SERINC5: variants seen among roughly 807,000 people sequenced by gnomAD.
SERINC5 encodes the protein chromosome 5 open reading frame 12.
A neutral mutation model predicts 63.1 loss-of-function variants in SERINC5; 41 were observed. That is an observed-to-expected ratio of 0.65 (90% CI 0.51 to 0.84). The LOEUF (loss-of-function observed/expected upper bound fraction) is 0.84. Ranked by LOEUF, SERINC5 falls within the 40% of genes least tolerant of loss-of-function variation. SERINC5 has a pLI of 0.00. For missense variants in SERINC5, 523 were observed against 573.0 expected (o/e 0.91, Z 0.89); for synonymous variants, 222 against 215.2 (o/e 1.03, Z -0.28).
intron 7 of SERINC5, among the ~76,000 whole-genome samples, chr5:80,161,957 T>C (rs766810865): frequency 2.0e-5 from 3 of 152,242 alleles, no homozygotes; most frequent in Non-Finnish European, 2.9e-5. Context: ...GGACCACTTA[T>C]TGAAAAGGGT....
intron 1 of SERINC5, among the ~76,000 whole-genome samples, chr5:80,225,788 G>A (rs1456251445): frequency 6.6e-6 from 1 of 152,094 alleles, no homozygotes. Context: ...ACGGAACAAA[G>A]CCCCACAGCC....
In SERINC5 at chr5:80,142,693, G is replaced by A. The variant is rs993599381; in HGVS notation, c.*970C>T. 2.0e-6 allele frequency: 2 copies of A among 985,250 alleles called. No individual in the cohort carries two copies. Among genetic ancestry groups the A allele is most frequent in the African/African-American group, 1.7e-5 (1 of 57,212 alleles). 61.0% of individuals were successfully genotyped at this position (985,250 alleles called of 1,614,324 possible). On this transcript the variant is annotated 3_prime_UTR_variant, in exon 12 of 12. Transcript: ENST00000507668. ...CTTTTACAGTTTCAAAGGCCTCAAG[G>A]TGGAGAAAAAACTGAGGGGCTGACC...
intron 2 of SERINC5, among the ~76,000 whole-genome samples, chr5:80,196,995 T>C (rs966108129): frequency 5.1e-5 from 3 of 59,166 alleles, no homozygotes; most frequent in African/African-American, 9.5e-5. Context: ...CAACAGAATA[T>C]TATCTAGCCA....
At chr5:80,136,633 A>G (rs902845872), downstream of SERINC5, among the ~76,000 whole-genome samples, 1 of 152,234 alleles carries the variant, frequency 6.6e-6, no homozygotes, top group East Asian at 1.9e-4. Context: ...AAGCTTCTGC[A>G]CAGCAAAGGA....
At chr5:80,188,478 A>G (rs1459631324) in intron 2 of SERINC5, among the ~76,000 whole-genome samples, 1 of 152,184 alleles carries the variant, frequency 6.6e-6, no homozygotes, top group East Asian at 1.9e-4. Context: ...CACTGTCCCC[A>G]GGTGTGAGTG....
chr5:80,193,811 G>A (rs1228968724), intron 2 of SERINC5, among the ~76,000 whole-genome samples: 1 of 152,208 alleles, frequency 6.6e-6, no homozygotes, highest in African/African-American at 2.4e-5. Context: ...GCATAGGAGG[G>A]TACAGGGACT....
Position 80,143,689 on chromosome 5 carries a change from A to G in SERINC5, c.1360T>C (p.Cys454Arg), listed in dbSNP as rs779897024. ...CACACAGAGAACTCCCGGGTGGGGC[A>G]GCAGAGGGGAGCGACCAGCGTACAC... Reference protein sequence around the residue: ...YLCTLVAPLCCPTREFSV With the variant: ...YLCTLVAPLCRPTREFSV The change falls in exon 12 of 12, where the codon TGC (cysteine) becomes CGC (arginine). Residue 454 changes from cysteine (C) to arginine (R), a missense_variant. Physicochemically the swap from Cys to Arg is radical, Grantham distance 180. Coordinates refer to ENST00000507668, the MANE Select transcript of SERINC5 (RefSeq NM_001174072.3). 28 of 1,536,128 alleles carry G rather than the reference A, an allele frequency of 1.8e-5. No homozygotes were observed. In the South Asian group the frequency reaches 3.0e-4, roughly 16 times the overall value.
At chr5:80,176,833 T>C (rs2112413207) in intron 4 of SERINC5, among the ~76,000 whole-genome samples, 1 of 152,308 alleles carries the variant, frequency 6.6e-6, no homozygotes, top group South Asian at 2.1e-4. Context: ...TCAGCTCATA[T>C]GAAAAAGGGC....
intron 2 of SERINC5, among the ~76,000 whole-genome samples, chr5:80,181,416 T>TTGTGTGTGTGTG (rs70982028): frequency 1.0e-3 from 148 of 145,442 alleles, no homozygotes; most frequent in African/African-American, 3.4e-3. Flanking sequence ...TCAGCTAATT[T>TTGTGTGTGTGTG]TGTGTGTGTG....
rs538188402 is a variant in SERINC5 at position 80,143,035 on chromosome 5, G to C, written c.*628C>G. The C allele has an allele frequency of 1.8e-5, 18 of 985,348 alleles. No individual in the cohort carries two copies. The African/African-American group carries it at 2.6e-4, about 14-fold the overall frequency. The allele number at this position is 985,348 out of a possible 1,614,324, so 61.0% of individuals were successfully genotyped here. A position where few individuals can be genotyped will look rare whatever the true frequency, so the allele number is the denominator to read the frequency against. ...CCAGAAAAGATGAGACCTCGGGGAA[G>C]GGTGCAGGCAGAGAGTGAAGTCTGT... On this transcript the variant is annotated 3_prime_UTR_variant, in exon 12 of 12. Transcript: ENST00000507668.
rs373920343 is a variant in SERINC5, at chr5:80,233,805, C to CTTTTTTT, written c.27+22084_27+22090dup. Among the ~76,000 whole-genome samples the CTTTTTTT allele has an allele frequency of 3.6e-3, 250 of 69,948 alleles. 1 individual carries two copies. The highest frequency in any genetic ancestry group is 4.7e-3 in the Non-Finnish European group (186 of 39,400). The allele number at this position is 69,948 out of a possible 152,430, so 45.9% of individuals were successfully genotyped here. A position where few individuals can be genotyped will look rare whatever the true frequency, so the allele number is the denominator to read the frequency against. On this transcript the variant is annotated intron_variant, in intron 1 of 11. Coordinates refer to ENST00000507668, the MANE Select transcript of SERINC5 (RefSeq NM_001174072.3). Reference sequence around the variant, plus strand: ...TATTTTATAGATCTTTCAACTTTTACTTTTTTTTTTTTTTTTTTTTTTTTG... The same window carrying CTTTTTTT: ...TATTTTATAGATCTTTCAACTTTTACTTTTTTTTTTTTTTTTTTTTTTTTTTTTTTTG...
rs1410166028 is a variant in SERINC5 at position 80,143,708 on chromosome 5, C to T, written c.1341G>A (p.Thr447=). ...CWICVLLYLC[T]LVAPLCCPTR... ...TGGGGCAGCAGAGGGGAGCGACCAG[C>T]GTACACAGGTACAACAGCACGCATA... The change falls in exon 12 of 12, where the codon ACG becomes ACA. Residue 447 remains threonine (T), a synonymous_variant. Transcript: ENST00000507668. 1.8e-5 allele frequency: 27 copies of T among 1,535,980 alleles called. No homozygotes were observed. Among genetic ancestry groups the T allele is most frequent in the Non-Finnish European group, 2.2e-5 (25 of 1,146,874 alleles).
intron 1 of SERINC5, among the ~76,000 whole-genome samples, chr5:80,254,488 G>A (rs560314891): frequency 7.2e-5 from 11 of 152,318 alleles, no homozygotes; most frequent in African/African-American, 2.6e-4. Context: ...GGGAATGGCA[G>A]AAAGAGCCTC....
intron 7 of SERINC5, among the ~76,000 whole-genome samples, chr5:80,162,817 G>A (rs983167499): frequency 4.0e-5 from 6 of 151,622 alleles, no homozygotes; most frequent in African/African-American, 1.5e-4. Context: ...TCTGCTAGAT[G>A]ATTACTGGTG....
chr5:80,183,970 A>G (rs1027533233), intron 2 of SERINC5, among the ~76,000 whole-genome samples: 6 of 152,188 alleles, frequency 3.9e-5, no homozygotes, highest in Non-Finnish European at 5.9e-5. Flanking sequence ...CTCAATTTTT[A>G]GCTGTGTTTA....
At chr5:80,153,262 A>G (rs1027942202) in intron 8 of SERINC5, among the ~76,000 whole-genome samples, 1 of 152,024 alleles carries the variant, frequency 6.6e-6, no homozygotes, top group African/African-American at 2.4e-5. Context: ...ATTCGAGACC[A>G]GCCTAGCCAA....
At chr5:80,200,322 CA>C (rs11397908) in intron 2 of SERINC5, among the ~76,000 whole-genome samples, 3,509 of 136,332 alleles carry the variant, frequency 0.026, 140 homozygotes, top group African/African-American at 0.087. Context: ...CTAAAAAATA[CA>C]AAAAAAAAAA....
intron 1 of SERINC5, among the ~76,000 whole-genome samples, chr5:80,230,901 C>A (rs1170501021): frequency 1.3e-5 from 2 of 152,168 alleles, no homozygotes; most frequent in Non-Finnish European, 2.9e-5. Flanking sequence ...CAGCCTCAAC[C>A]TCCTGGGCTC....
chr5:80,193,502 T>A (rs1007155846), intron 2 of SERINC5, among the ~76,000 whole-genome samples: 1 of 152,204 alleles, frequency 6.6e-6, no homozygotes, highest in African/African-American at 2.4e-5. Context: ...CTCTCGTCCA[T>A]AGCCAGACCA....
Sources: allele counts gnomAD v4.1 joint callset (sites outside exome capture counted in the v4.1 genomes callset), GRCh38; gene constraint gnomAD v4.1.1; transcripts MANE v1.5; gene names NCBI Gene and HGNC (gene_info 2026-07-23, HGNC 2026-07-21).